Variants in SLC37A1 observed in about 807,000 individuals in gnomAD.
The protein encoded by SLC37A1 is glucose-6-phosphate exchanger SLC37A1.
Under a neutral mutation model 75.3 loss-of-function variants are expected in SLC37A1, and 49 were observed. The observed-to-expected ratio is 0.65, with a 90% CI of 0.52 to 0.83. The LOEUF (loss-of-function observed/expected upper bound fraction) is 0.83. Ranked by LOEUF, SLC37A1 falls within the 40% of genes least tolerant of loss-of-function variation. The pLI, the probability that SLC37A1 is intolerant of heterozygous loss-of-function variation, is 0.00. For missense variants in SLC37A1, 566 were observed against 695.0 expected (o/e 0.81, Z 2.09); for synonymous variants, 268 against 292.1 (o/e 0.92, Z 0.84).
At chr21:42,561,836 C>T (rs1215382076) in intron 11 of SLC37A1, 6 of 469,404 alleles carry the variant, frequency 1.3e-5, no homozygotes, top group Admixed American at 3.5e-5. Flanking sequence ...GGGCCCCACC[C>T]TTCTCAGAGG....
chr21:42,520,925 A>G (rs2054632806), intron 2 of SLC37A1, among the ~76,000 whole-genome samples: 1 of 152,258 alleles, frequency 6.6e-6, no homozygotes, highest in South Asian at 2.1e-4. Flanking sequence ...TTTACAATAA[A>G]TGAGACTCAT....
At chr21:42,521,546 GC>G (rs1486154163) in intron 2 of SLC37A1, among the ~76,000 whole-genome samples, 1 of 152,240 alleles carries the variant, frequency 6.6e-6, no homozygotes, top group Non-Finnish European at 1.5e-5. Flanking sequence ...TTTGCATGGA[GC>G]CTCTCACCCT....
intron 14 of SLC37A1, 112 bp downstream of exon 14, chr21:42,564,905 C>G: frequency 1.0e-6 from 1 of 989,534 alleles, no homozygotes; most frequent in South Asian, 1.5e-5. Flanking sequence ...CTGACAAGCC[C>G]GCTTCATTCC....
At chr21:42,520,992 G>A (rs1281744567) in intron 2 of SLC37A1, among the ~76,000 whole-genome samples, 2 of 152,216 alleles carry the variant, frequency 1.3e-5, no homozygotes, top group African/African-American at 2.4e-5. Context: ...TATAACTAAA[G>A]AAGTAGGAGA....
chr21:42,500,125 A>G (rs1480225500), intron 1 of SLC37A1, among the ~76,000 whole-genome samples: 1 of 152,196 alleles, frequency 6.6e-6, no homozygotes, highest in African/African-American at 2.4e-5. Flanking sequence ...TTTTGTAGGC[A>G]CTGTTCAGAT....
chr21:42,501,226 G>A (rs577468526), intron 1 of SLC37A1, among the ~76,000 whole-genome samples: 5 of 152,314 alleles, frequency 3.3e-5, no homozygotes, highest in South Asian at 2.1e-4. Context: ...AAAAATTGAC[G>A]TGAAATTTTT....
chr21:42,566,045 G>A (rs571334914), intron 15 of SLC37A1, among the ~76,000 whole-genome samples, 170 bp downstream of exon 15: 2 of 152,336 alleles, frequency 1.3e-5, no homozygotes, highest in South Asian at 2.1e-4. Flanking sequence ...TGGAGAGGCC[G>A]GGGTCTCCTC....
At chr21:42,533,209 G>T (rs1255439418) in intron 3 of SLC37A1, among the ~76,000 whole-genome samples, 2 of 152,128 alleles carry the variant, frequency 1.3e-5, no homozygotes, top group African/African-American at 4.8e-5. Flanking sequence ...CAGACCCCTG[G>T]CCTCTCTCAG....
intron 10 of SLC37A1, among the ~76,000 whole-genome samples, chr21:42,555,969 G>C (rs76073412): frequency 0.14 from 21,462 of 152,162 alleles, 2,166 homozygotes; most frequent in African/African-American, 0.28. Context: ...GGACACCCTG[G>C]ATGTCCCCTT....
chr21:42,575,837 G>T (rs1256785026), intron 18 of SLC37A1: 1 of 985,200 alleles, frequency 1.0e-6, no homozygotes, highest in Non-Finnish European at 1.2e-6. Flanking sequence ...GAACTTACTA[G>T]GTTTAAATGG....
intron 8 of SLC37A1, among the ~76,000 whole-genome samples, chr21:42,543,998 A>G (rs1305846020): frequency 1.3e-5 from 2 of 152,258 alleles, no homozygotes; most frequent in Non-Finnish European, 2.9e-5. Flanking sequence ...GGACAGTGTT[A>G]TAAAAGACTG....
chr21:42,558,020 C>T (rs1229096946), intron 10 of SLC37A1, among the ~76,000 whole-genome samples: 1 of 152,210 alleles, frequency 6.6e-6, no homozygotes, highest in African/African-American at 2.4e-5. Context: ...CAGCTCACTG[C>T]AGCCTCCACC....
At chr21:42,555,724 G>C (rs968260932) in intron 10 of SLC37A1, among the ~76,000 whole-genome samples, 6 of 152,230 alleles carry the variant, frequency 3.9e-5, no homozygotes, top group African/African-American at 1.4e-4. Context: ...ACTAGCCTTG[G>C]CTTCTAAGTA....
chr21:42,562,907 C>G (rs1695334521), intron 12 of SLC37A1, among the ~76,000 whole-genome samples: 1 of 152,096 alleles, frequency 6.6e-6, no homozygotes, highest in Admixed American at 6.5e-5. Flanking sequence ...AAAGAGGAGG[C>G]CTTTGAGAAT....
chr21:42,546,717 T>A (rs1158731117), intron 8 of SLC37A1, among the ~76,000 whole-genome samples: 2 of 152,234 alleles, frequency 1.3e-5, no homozygotes, highest in African/African-American at 4.8e-5. Flanking sequence ...AGCCAAGCTG[T>A]GCCCTTGCCC....
Position 42,518,325 on chromosome 21 carries a change from CTTCTTTCCACGCTT to C in SLC37A1, c.-128_-115del. The stretch of plus-strand genomic sequence containing the variant: ...AAGGGGACAAGACCCAGCAGGACAC[CTTCTTTCCACGCTT>C]TCCAGCCTGTGGGAGCGGCAGGGGC... On this transcript the variant is annotated 5_prime_UTR_variant, in exon 2 of 20. The change creates a premature stop within an existing upstream ORF in the 5' untranslated region. Transcript: ENST00000352133. 2 of 1,202,482 alleles carry C rather than the reference CTTCTTTCCACGCTT, an allele frequency of 1.7e-6. No homozygotes were observed. Among genetic ancestry groups the C allele is most frequent in the South Asian group, 2.6e-5 (2 of 77,932 alleles). The allele number at this position is 1,202,482 out of a possible 1,614,324, so 74.5% of individuals were successfully genotyped here.
chr21:42,551,144 A>G (rs1237575815), intron 9 of SLC37A1, among the ~76,000 whole-genome samples: 2 of 152,238 alleles, frequency 1.3e-5, no homozygotes, highest in Non-Finnish European at 2.9e-5. Flanking sequence ...AGATGACATG[A>G]TCTTTTATAC....
chr21:42,540,640 G>C (rs1000230730), intron 6 of SLC37A1, among the ~76,000 whole-genome samples: 1 of 152,184 alleles, frequency 6.6e-6, no homozygotes, highest in Non-Finnish European at 1.5e-5. Flanking sequence ...GCCCTTCCCA[G>C]CAGTCCTGTG....
rs527465109 is a variant in SLC37A1, at chr21:42,523,753, C to G, written c.57-2023C>G. ...GATAGTTCCCTGATGAAGAAGAGAGCACTGGGGAATTTCTGTCTTCAGTCA... is the reference window on the plus strand; with the variant it reads ...GATAGTTCCCTGATGAAGAAGAGAGGACTGGGGAATTTCTGTCTTCAGTCA... On this transcript the variant is annotated intron_variant, in intron 2 of 19. Transcript: ENST00000352133. Among the ~76,000 whole-genome samples, 5 of 152,310 alleles carry G rather than the reference C, an allele frequency of 3.3e-5. No homozygotes were observed. The South Asian group carries it at 1.0e-3, about 32-fold the overall frequency.
Sources: gnomAD v4.1 joint callset for allele counts (sites outside exome capture counted in the v4.1 genomes callset) on GRCh38, gnomAD v4.1.1 for gene constraint, MANE v1.5 for transcripts, NCBI Gene and HGNC (gene_info 2026-07-23, HGNC 2026-07-21) for gene names.